Variants in NEK5 observed in about 807,000 individuals in gnomAD.
NEK5 encodes NIMA related kinase 5, also known as serine/threonine-protein kinase Nek5.
In NEK5, 88 loss-of-function variants were observed where a neutral mutation model predicts 109.2. The ratio of observed to expected loss-of-function variants is 0.81; its 90% CI spans 0.68 to 0.96. NEK5 has a LOEUF of 0.96. Among genes scored for constraint, NEK5 ranks in the 40% least tolerant of loss-of-function variants. NEK5 has a pLI of 0.00. For missense variants in NEK5, 834 were observed against 920.7 expected (o/e 0.91, Z 1.22); for synonymous variants, 283 against 299.9 (o/e 0.94, Z 0.58).
At chr13:52,045,362 C>A (rs1172357374) in intron 23 of NEK5, among the ~76,000 whole-genome samples, 1 of 149,612 alleles carries the variant, frequency 6.7e-6, no homozygotes, top group African/African-American at 2.4e-5. Context: ...GATCTCCTGA[C>A]CTTGTGATCT....
At chr13:52,053,443 T>A (rs1382351462) in intron 22 of NEK5, among the ~76,000 whole-genome samples, 1 of 152,226 alleles carries the variant, frequency 6.6e-6, no homozygotes, top group African/African-American at 2.4e-5. Flanking sequence ...GCCCTATTTT[T>A]AATTTTTTTT....
intron 17 of NEK5, among the ~76,000 whole-genome samples, chr13:52,081,035 T>TG (rs1311995683): frequency 6.6e-6 from 1 of 151,218 alleles, no homozygotes; most frequent in African/African-American, 2.4e-5. Context: ...TGGGTATGTT[T>TG]GGGGGAAATG....
intron 7 of NEK5, among the ~76,000 whole-genome samples, chr13:52,109,534 A>G (rs1955717904): frequency 6.6e-6 from 1 of 152,062 alleles, no homozygotes; most frequent in Non-Finnish European, 1.5e-5. Context: ...TCTGAAGAAA[A>G]TTCCCTTCTT....
intron 22 of NEK5, among the ~76,000 whole-genome samples, chr13:52,058,340 G>A (rs1360004092): frequency 6.8e-5 from 10 of 147,380 alleles, no homozygotes; most frequent in African/African-American, 2.5e-4. Context: ...ATGCTCATGG[G>A]TAGGAAGAAT....
intron 22 of NEK5, among the ~76,000 whole-genome samples, chr13:52,050,642 A>G (rs907033294): frequency 3.8e-5 from 4 of 106,090 alleles, no homozygotes; most frequent in Non-Finnish European, 8.2e-5. Context: ...TTTTTTTTTT[A>G]CTTAAAATGT....
intron 16 of NEK5, among the ~76,000 whole-genome samples, chr13:52,084,758 A>AGTGTGTGTGTGT (rs1238379537): frequency 4.4e-5 from 2 of 45,104 alleles, no homozygotes; most frequent in East Asian, 8.8e-4. Context: ...AGAGAGAGAG[A>AGTGTGTGTGTGT]GAGAGTGTGT....
At chr13:52,090,887 GTC>G (rs1955267258) in intron 13 of NEK5, among the ~76,000 whole-genome samples, 1 of 152,124 alleles carries the variant, frequency 6.6e-6, no homozygotes, top group Non-Finnish European at 1.5e-5. Context: ...TTAACCAGGT[GTC>G]GTGGCAGGCG....
intron 23 of NEK5, among the ~76,000 whole-genome samples, chr13:52,046,313 C>CAA (rs749444747): frequency 3.1e-5 from 3 of 97,164 alleles, no homozygotes; most frequent in Non-Finnish European, 4.3e-5. Context: ...CCTGTCTCTA[C>CAA]AAAAAAAAAA....
chr13:52,083,087 A>C (rs1955046554), intron 17 of NEK5, among the ~76,000 whole-genome samples, 173 bp downstream of exon 17: 1 of 152,126 alleles, frequency 6.6e-6, no homozygotes, highest in South Asian at 2.1e-4. Context: ...CAGACACTGC[A>C]GTGAGCCAAG....
intron 18 of NEK5, 106 bp from the exon 19 acceptor site, chr13:52,075,932 TTGGTCTCATATCACAA>T (rs1954860133): frequency 1.1e-6 from 1 of 917,650 alleles, no homozygotes; most frequent in African/African-American, 1.7e-5. Flanking sequence ...CTTAAAACCA[TTGGTCTCATATCACAA>T]AATAGAGCAA....
At chr13:52,082,611 A>T (rs1246893853) in intron 17 of NEK5, among the ~76,000 whole-genome samples, 1 of 152,134 alleles carries the variant, frequency 6.6e-6, no homozygotes, top group African/African-American at 2.4e-5. Flanking sequence ...TGTTATTTCA[A>T]CTCTGCCCAG....
rs765020739 is a variant in NEK5, at chr13:52,102,208, G to C, written c.694C>G (p.Leu232Val). 6.2e-7 allele frequency: 1 copy of C among 1,613,760 alleles called. No individual in the cohort carries two copies. The highest frequency in any genetic ancestry group is 8.5e-7 in the Non-Finnish European group (1 of 1,179,670). ...AAGAGCTGAGATATCAAGGAATGGA[G>C]CTCACGAGAAAACCCCGGAGATATT... The part of the protein sequence containing the change: ...APISPGFSRE[L>V]HSLISQLFQV... Residue 232 changes from leucine (L) to valine (V), a missense_variant, in exon 10 of 24, where the codon CTC becomes GTC. Physicochemically the swap from Leu to Val is conservative, Grantham distance 32 (BLOSUM62 1). Transcript: ENST00000684899.
chr13:52,087,751 G>A (rs999537069), intron 14 of NEK5, among the ~76,000 whole-genome samples: 4 of 149,342 alleles, frequency 2.7e-5, no homozygotes, highest in Admixed American at 6.7e-5. Context: ...TCAGCCTTCC[G>A]AGTAGCTGGG....
intron 23 of NEK5, among the ~76,000 whole-genome samples, chr13:52,044,100 G>A (rs575321224): frequency 7.3e-4 from 111 of 152,334 alleles, no homozygotes; most frequent in African/African-American, 2.6e-3. Context: ...AATGTGAAAA[G>A]AGAGACTGGC....
At chr13:52,106,546 ACCTGAG>A (rs1566809259) in intron 8 of NEK5, among the ~76,000 whole-genome samples, 1 of 152,056 alleles carries the variant, frequency 6.6e-6, no homozygotes, top group Non-Finnish European at 1.5e-5. Context: ...CGGGCAGATC[ACCTGAG>A]GTCAAGAATT....
chr13:52,102,547 G>T (rs1955561537), intron 9 of NEK5, among the ~76,000 whole-genome samples: 1 of 152,088 alleles, frequency 6.6e-6, no homozygotes, highest in Non-Finnish European at 1.5e-5. Flanking sequence ...TTAAACATTT[G>T]CTGGGCTTGG....
At chr13:52,038,089 A>G (rs1732730093) in intron 23 of NEK5, among the ~76,000 whole-genome samples, 2 of 152,166 alleles carry the variant, frequency 1.3e-5, no homozygotes. Context: ...GCACCAACCT[A>G]ATATTTAAGT....
chr13:52,087,022 AC>A (rs770562177), intron 15 of NEK5, among the ~76,000 whole-genome samples: 211 of 152,318 alleles, frequency 1.4e-3, no homozygotes, highest in Non-Finnish European at 2.6e-3. Flanking sequence ...GAATTGTGAG[AC>A]AATACATTTC....
chr13:52,128,088 A>G lies in NEK5; in HGVS notation c.-90-426T>C, dbSNP rs367762548. ...TTACCCCGCGGCCCTACAATCTTGG[A>G]GAGTCTTCCTATACATTCCTGTGCG... On this transcript the variant is annotated intron_variant, in intron 1 of 23. Coordinates refer to ENST00000684899, the MANE Select transcript of NEK5 (RefSeq NM_001365552.1). Among the ~76,000 whole-genome samples the G allele has an allele frequency of 2.0e-5, 3 of 152,132 alleles. No homozygotes were observed. In the East Asian group the frequency reaches 5.8e-4, roughly 29 times the overall value.
Sources: gnomAD v4.1 joint callset for allele counts (sites outside exome capture counted in the v4.1 genomes callset) on GRCh38, gnomAD v4.1.1 for gene constraint, MANE v1.5 for transcripts, NCBI Gene and HGNC (gene_info 2026-07-23, HGNC 2026-07-21) for gene names.